Variants in BABAM2 observed in about 807,000 individuals in gnomAD.
BABAM2 encodes the protein BRISC and BRCA1-A complex member 2.
BABAM2 carries 31 observed loss-of-function variants against 54.7 expected under a neutral mutation model. The ratio of observed to expected loss-of-function variants is 0.57; its 90% CI spans 0.43 to 0.77. The LOEUF is 0.77. BABAM2 is among the 30% of genes least tolerant of loss of function. BABAM2 has a pLI of 0.00. For missense variants in BABAM2, 364 were observed against 455.8 expected, an observed-to-expected ratio of 0.80 and a Z score of 1.83; for synonymous variants, 167 against 162.9, an observed-to-expected ratio of 1.03 and a Z score of -0.19.
rs1685953290 is a variant in BABAM2, at chr2:28,277,216, C to T, written c.935-21122C>T. 2.0e-5 allele frequency among the ~76,000 whole-genome samples: 3 copies of T among 152,192 alleles called. No individual in the cohort carries two copies. The South Asian group carries it at 6.2e-4, about 32-fold the overall frequency. ...TGCCTCCTGGGTTCAAGCGATTCTC[C>T]TGCCTCAGCTTCCCGAGTAGCTGGG... On this transcript the variant is annotated intron_variant, in intron 10 of 11. Transcript: ENST00000379624.
intron 3 of BABAM2, among the ~76,000 whole-genome samples, chr2:27,986,331 C>T (rs1672395724): frequency 2.0e-5 from 3 of 151,688 alleles, no homozygotes; most frequent in Admixed American, 1.3e-4. Flanking sequence ...TTTCTTTAGT[C>T]TGTCAGCTTT....
At chr2:28,328,421 C>T (rs1690669572) in intron 11 of BABAM2, among the ~76,000 whole-genome samples, 1 of 152,202 alleles carries the variant, frequency 6.6e-6, no homozygotes, top group Non-Finnish European at 1.5e-5. Context: ...AAAATGACCT[C>T]TGACTTGATT....
chr2:28,188,814 A>G (rs1676593067), intron 7 of BABAM2, among the ~76,000 whole-genome samples: 1 of 152,140 alleles, frequency 6.6e-6, no homozygotes, highest in Non-Finnish European at 1.5e-5. Context: ...CATATTTAAT[A>G]TTGTTTTTAT....
At chr2:28,246,011 TATC>T (rs1298992759) in intron 10 of BABAM2, among the ~76,000 whole-genome samples, 1 of 152,154 alleles carries the variant, frequency 6.6e-6, no homozygotes, top group Non-Finnish European at 1.5e-5. Flanking sequence ...AGTAAAACCT[TATC>T]ATGGTAAAAT....
chr2:27,990,628 G>T (rs1672713745), intron 4 of BABAM2, among the ~76,000 whole-genome samples: 1 of 152,046 alleles, frequency 6.6e-6, no homozygotes, highest in African/African-American at 2.4e-5. Flanking sequence ...TGTGGCAGGT[G>T]TGGAATTTCT....
At chr2:28,248,056 C>T (rs1197945263) in intron 10 of BABAM2, among the ~76,000 whole-genome samples, 1 of 152,056 alleles carries the variant, frequency 6.6e-6, no homozygotes, top group East Asian at 1.9e-4. Context: ...AACTTGCTCC[C>T]ATCCAGAAAC....
chr2:28,176,841 CA>C (rs370551860), intron 7 of BABAM2, among the ~76,000 whole-genome samples: 2,602 of 49,396 alleles, frequency 0.053, 64 homozygotes, highest in African/African-American at 0.15. Context: ...CCAGTCAGAA[CA>C]AAAAAAAAAA....
chr2:27,897,584 T>C, intron 2 of BABAM2, among the ~76,000 whole-genome samples: 1 of 152,156 alleles, frequency 6.6e-6, no homozygotes, highest in Non-Finnish European at 1.5e-5. Context: ...TTAGGGGATT[T>C]ATAAATCAAC....
intron 7 of BABAM2, among the ~76,000 whole-genome samples, chr2:28,190,221 T>C (rs1676753072): frequency 6.6e-6 from 1 of 152,218 alleles, no homozygotes; most frequent in African/African-American, 2.4e-5. Flanking sequence ...TATAACAAAA[T>C]ACTATAGATT....
At chr2:28,234,794 G>A (rs564483409) in intron 7 of BABAM2, among the ~76,000 whole-genome samples, 3 of 152,222 alleles carry the variant, frequency 2.0e-5, no homozygotes, top group Non-Finnish European at 2.9e-5. Context: ...GAACCTTCTG[G>A]TTAGATGTGT....
intron 6 of BABAM2, among the ~76,000 whole-genome samples, chr2:28,101,116 C>A: frequency 6.6e-6 from 1 of 152,134 alleles, no homozygotes; most frequent in Admixed American, 6.5e-5. Context: ...TATAACTTCT[C>A]ATTTTATAGT....
At chr2:27,906,475 ATGG>A (rs923297162) in intron 2 of BABAM2, among the ~76,000 whole-genome samples, 4 of 152,212 alleles carry the variant, frequency 2.6e-5, no homozygotes, top group African/African-American at 9.7e-5. Flanking sequence ...GCTCTTGCAT[ATGG>A]TGTTTTATGG....
chr2:27,903,635 G>A (rs1339712575), intron 2 of BABAM2, among the ~76,000 whole-genome samples: 1 of 152,170 alleles, frequency 6.6e-6, no homozygotes, highest in Non-Finnish European at 1.5e-5. Context: ...TGAAACCTCT[G>A]ATGGAACTCT....
At chr2:28,201,257 A>G (rs1053243935) in intron 7 of BABAM2, among the ~76,000 whole-genome samples, 5 of 152,226 alleles carry the variant, frequency 3.3e-5, no homozygotes, top group African/African-American at 1.2e-4. Context: ...AGAAATAAAC[A>G]AGCTGTCAGA....
intron 4 of BABAM2, chr2:28,016,474 C>T (rs1674823522): frequency 1.2e-5 from 15 of 1,215,812 alleles, no homozygotes; most frequent in Middle Eastern, 1.9e-4. Context: ...ATTTGTCCCA[C>T]TTGCCCATGG....
chr2:28,170,078 G>C (rs990712375), intron 7 of BABAM2, among the ~76,000 whole-genome samples: 2 of 151,824 alleles, frequency 1.3e-5, no homozygotes, highest in African/African-American at 2.4e-5. Flanking sequence ...GTTAACATTT[G>C]TCAGAGATTA....
At chr2:28,255,523 C>T (rs1007485136) in intron 10 of BABAM2, among the ~76,000 whole-genome samples, 5 of 152,186 alleles carry the variant, frequency 3.3e-5, no homozygotes, top group Non-Finnish European at 7.3e-5. Flanking sequence ...GATCCACCCA[C>T]CTTGGCCTGC....
chr2:27,925,762 C>T (rs1030295525), intron 2 of BABAM2, among the ~76,000 whole-genome samples: 4 of 152,218 alleles, frequency 2.6e-5, no homozygotes, highest in African/African-American at 9.6e-5. Flanking sequence ...GGAATGGTCT[C>T]TGCCCTCTGT....
At chr2:28,037,588 A>T (rs887716489) in intron 5 of BABAM2, among the ~76,000 whole-genome samples, 7 of 152,238 alleles carry the variant, frequency 4.6e-5, no homozygotes, top group Non-Finnish European at 8.8e-5. Context: ...AAGTGGAATT[A>T]CTGGATCAAA....
Sources: allele counts gnomAD v4.1 joint callset (sites outside exome capture counted in the v4.1 genomes callset), GRCh38; gene constraint gnomAD v4.1.1; transcripts MANE v1.5; gene names NCBI Gene and HGNC (gene_info 2026-07-23, HGNC 2026-07-21).